The following ZNF277 variants were observed in gnomAD, a reference collection of about 807,000 sequenced individuals.
The protein encoded by ZNF277 is zinc finger protein 277.
Under a neutral mutation model 60.7 loss-of-function variants are expected in ZNF277, and 55 were observed. That is an observed-to-expected ratio of 0.91 (90% CI 0.73 to 1.13). The LOEUF (loss-of-function observed/expected upper bound fraction) is 1.13. ZNF277 is among the 50% of genes most tolerant of loss of function. The pLI is 0.00. For missense variants in ZNF277, 510 were observed against 523.0 expected, an observed-to-expected ratio of 0.98 and a Z score of 0.24; for synonymous variants, 178 against 179.3, an observed-to-expected ratio of 0.99 and a Z score of 0.06.
At chr7:112,323,609 A>G (rs1220021503) in intron 5 of ZNF277, among the ~76,000 whole-genome samples, 1 of 152,224 alleles carries the variant, frequency 6.6e-6, no homozygotes, top group African/African-American at 2.4e-5. Context: ...GGGGCAAATT[A>G]AAACATCACA....
At chr7:112,330,412 T>C (rs1487947535) in intron 7 of ZNF277, 196 bp downstream of exon 7, 4 of 606,786 alleles carry the variant, frequency 6.6e-6, no homozygotes, top group Admixed American at 6.4e-5. Flanking sequence ...TTTGACAGTG[T>C]TTATGTAGTA....
At chr7:112,334,726 T>C (rs2117137577) in intron 7 of ZNF277, among the ~76,000 whole-genome samples, 1 of 152,310 alleles carries the variant, frequency 6.6e-6, no homozygotes, top group South Asian at 2.1e-4. Flanking sequence ...GCCCTTATCA[T>C]TCAGAATGAT....
rs1793412147 is a variant in ZNF277 at position 112,339,981 on chromosome 7, G to C, written c.1009+96G>C. 5 of 1,133,602 alleles carry C rather than the reference G, an allele frequency of 4.4e-6. 1 individual carries two copies. The South Asian group carries it at 6.4e-5, about 15-fold the overall frequency. The allele number at this position is 1,133,602 out of a possible 1,614,324, so 70.2% of individuals were successfully genotyped here. The stretch of plus-strand genomic sequence containing the variant: ...TGTTCAGTAGCTATGATTGGAGAGT[G>C]CACCACCAAAACATGTCTCTCTATA... On this transcript the variant is annotated intron_variant, in intron 10 of 11. Transcript: ENST00000361822.
intron 1 of ZNF277, among the ~76,000 whole-genome samples, chr7:112,239,789 A>G (rs1790899760): frequency 2.0e-5 from 3 of 152,248 alleles, no homozygotes; most frequent in South Asian, 2.1e-4. Flanking sequence ...GTATAAAACC[A>G]TAATCATGGT....
chr7:112,314,119 T>C (rs1258644905), intron 4 of ZNF277, among the ~76,000 whole-genome samples: 1 of 152,056 alleles, frequency 6.6e-6, no homozygotes, highest in African/African-American at 2.4e-5. Context: ...TCTGGGAAAG[T>C]CACTTTAATG....
intron 1 of ZNF277, among the ~76,000 whole-genome samples, chr7:112,279,437 C>T (rs1791892115): frequency 6.6e-6 from 1 of 152,034 alleles, no homozygotes; most frequent in Admixed American, 6.6e-5. Flanking sequence ...TTTTGATTTC[C>T]CTTTCCCTGG....
intron 1 of ZNF277, among the ~76,000 whole-genome samples, chr7:112,271,385 T>C (rs540601979): frequency 6.6e-6 from 1 of 152,318 alleles, no homozygotes; most frequent in East Asian, 1.9e-4. Flanking sequence ...TGTGGTCACA[T>C]ATTTGTAGAG....
Position 112,296,873 on chromosome 7 carries a change from A to C in ZNF277, c.465+562A>C, listed in dbSNP as rs1329290040. Reference sequence around the variant, plus strand: ...AGCATGAAAATTTTTATTTTATTTTATTTTCTTATTTTTATTTTATTTATT... The same window carrying C: ...AGCATGAAAATTTTTATTTTATTTTCTTTTCTTATTTTTATTTTATTTATT... On this transcript the variant is annotated intron_variant, in intron 4 of 11. Coordinates refer to ENST00000361822, the MANE Select transcript of ZNF277 (RefSeq NM_021994.3). Among the ~76,000 whole-genome samples, 26 of 99,668 alleles carry C rather than the reference A, an allele frequency of 2.6e-4. No individual in the cohort carries two copies. The East Asian group carries it at 2.9e-3, about 11-fold the overall frequency. The allele number at this position is 99,668 out of a possible 152,430, so 65.4% of individuals were successfully genotyped here.
chr7:112,226,608 T>A (rs1277130087), intron 1 of ZNF277, among the ~76,000 whole-genome samples: 1 of 152,224 alleles, frequency 6.6e-6, no homozygotes, highest in African/African-American at 2.4e-5. Flanking sequence ...TACTCAAGCC[T>A]GTGCTTCTTA....
intron 1 of ZNF277, among the ~76,000 whole-genome samples, chr7:112,236,626 T>A (rs934800981): frequency 1.3e-5 from 2 of 152,126 alleles, no homozygotes; most frequent in African/African-American, 4.8e-5. Flanking sequence ...ACTAGAATGA[T>A]TGTGAGTGCT....
chr7:112,286,998 G>C lies in ZNF277; in HGVS notation c.217G>C (p.Asp73His), dbSNP rs777119591. 5 of 1,614,112 alleles carry C rather than the reference G, an allele frequency of 3.1e-6. No homozygotes were observed. In the South Asian group the frequency reaches 5.5e-5, roughly 18 times the overall value. Residue 73 changes from aspartate to histidine, a missense_variant, in exon 2 of 12, where the codon GAC becomes CAC. Asp to His is a moderately conservative substitution (Grantham distance 81). Coordinates refer to ENST00000361822, the MANE Select transcript of ZNF277 (RefSeq NM_021994.3). ...AGAACATTTTCCTGTGGCTGAACAA[G>C]ACAAACTTCTGAAGCACATGATTAT... The part of the protein sequence containing the change: ...CEEHFPVAEQ[D>H]KLLKHMIIEH...
rs552324331 is a variant in ZNF277 at position 112,245,618 on chromosome 7, CCT to C, written c.91+38815_91+38816del. Among the ~76,000 whole-genome samples the C allele has an allele frequency of 3.8e-4, 58 of 152,244 alleles. 1 individual carries two copies. The South Asian group carries it at 0.012, about 31-fold the overall frequency. On this transcript the variant is annotated intron_variant, in intron 1 of 11. Coordinates refer to ENST00000361822, the MANE Select transcript of ZNF277 (RefSeq NM_021994.3). ...TGTGAGGGAGAATAAGTTCAATACCCCTCTCCTACCTTCTGGTGACTTTCCGG... is the reference window on the plus strand; with the variant it reads ...TGTGAGGGAGAATAAGTTCAATACCCCTCCTACCTTCTGGTGACTTTCCGG...
At chr7:112,331,947 T>G (rs1036572932) in intron 7 of ZNF277, among the ~76,000 whole-genome samples, 3 of 152,208 alleles carry the variant, frequency 2.0e-5, no homozygotes, top group African/African-American at 7.2e-5. Flanking sequence ...AGAGGAGACT[T>G]CAAGGGATTT....
At chr7:112,339,798 A>G (rs375188214) in intron 9 of ZNF277, 45 bp from the exon 10 acceptor site, 1 of 1,572,190 alleles carries the variant, frequency 6.4e-7, no homozygotes, top group African/African-American at 1.4e-5. Context: ...AGCCTGAAAG[A>G]TTAAATAATT....
intron 1 of ZNF277, among the ~76,000 whole-genome samples, chr7:112,223,600 T>C (rs1381164910): frequency 6.6e-6 from 1 of 152,194 alleles, no homozygotes; most frequent in Non-Finnish European, 1.5e-5. Flanking sequence ...AGGTTTGCCC[T>C]CTCAAAATGA....
chr7:112,307,604 G>A (rs953168254), intron 4 of ZNF277, among the ~76,000 whole-genome samples: 1 of 151,526 alleles, frequency 6.6e-6, no homozygotes, highest in African/African-American at 2.4e-5. Flanking sequence ...TTAAATAGAC[G>A]GGGTTTCACC....
chr7:112,313,631 A>G (rs1244863834), intron 4 of ZNF277, among the ~76,000 whole-genome samples: 1 of 152,170 alleles, frequency 6.6e-6, no homozygotes, highest in Non-Finnish European at 1.5e-5. Context: ...TAAGTTTAAA[A>G]GAAAACTTCA....
intron 1 of ZNF277, among the ~76,000 whole-genome samples, chr7:112,239,801 T>G (rs914110940): frequency 6.6e-6 from 1 of 152,214 alleles, no homozygotes; most frequent in South Asian, 2.1e-4. Context: ...AATCATGGTA[T>G]GTAAACTACT....
intron 1 of ZNF277, among the ~76,000 whole-genome samples, chr7:112,240,319 A>G (rs532271788): frequency 3.9e-4 from 59 of 152,238 alleles, no homozygotes; most frequent in Non-Finnish European, 7.5e-4. Context: ...GTTAATGGAT[A>G]CAAAAATATA....
Sources: gnomAD v4.1 joint callset for allele counts (sites outside exome capture counted in the v4.1 genomes callset) on GRCh38, gnomAD v4.1.1 for gene constraint, MANE v1.5 for transcripts, NCBI Gene and HGNC (gene_info 2026-07-23, HGNC 2026-07-21) for gene names.